The following DSC2 variants were observed in gnomAD, a reference collection of about 807,000 sequenced individuals.
The protein encoded by DSC2 is desmocollin 2.
In DSC2, 51 loss-of-function variants were observed where a neutral mutation model predicts 87.6. The ratio of observed to expected loss-of-function variants is 0.58; its 90% confidence interval spans 0.46 to 0.74. The LOEUF is 0.74. DSC2 is among the 30% of genes least tolerant of loss of function. DSC2 has a pLI of 0.00. For missense variants in DSC2, 1,066 were observed against 1,089.5 expected, an observed-to-expected ratio of 0.98 and a Z score of 0.30; for synonymous variants, 383 against 393.2, an observed-to-expected ratio of 0.97 and a Z score of 0.31.
rs1451007286 is a variant in DSC2, at chr18:31,059,715, CAGAT to C, written c.*8296_*8299del. The C allele has an allele frequency of 6.6e-6, 1 of 152,120 alleles. No homozygotes were observed. The highest frequency in any genetic ancestry group is 2.4e-5 in the African/African-American group (1 of 41,430). The allele number at this position is 152,120 out of a possible 1,614,324, so 9.4% of individuals were successfully genotyped here. A position where few individuals can be genotyped will look rare whatever the true frequency, so the allele number is the denominator to read the frequency against. On this transcript the variant is annotated 3_prime_UTR_variant, in exon 16 of 16. Transcript: ENST00000280904. Reference sequence around the variant, plus strand: ...TATCACTCAATATCTTAGTGTATTACAGATAGTCTCATATTTATTTAAATGTGAG... The same window carrying C: ...TATCACTCAATATCTTAGTGTATTACAGTCTCATATTTATTTAAATGTGAG...
chr18:31,062,401 T>A lies in DSC2; in HGVS notation c.*5614A>T, dbSNP rs199701271. ...GGTGGTTAGAGAGTGGCCTTTTGGTTAAAAAAAAAAAATTCACTGCAGTGT... is the reference window on the plus strand; with the variant it reads ...GGTGGTTAGAGAGTGGCCTTTTGGTAAAAAAAAAAAAATTCACTGCAGTGT... On this transcript the variant is annotated 3_prime_UTR_variant, in exon 16 of 16. Coordinates refer to ENST00000280904, the MANE Select transcript of DSC2 (RefSeq NM_024422.6). 2.0e-5 allele frequency: 3 copies of A among 149,650 alleles called. No individual in the cohort carries two copies. The highest frequency in any genetic ancestry group is 3.0e-5 in the Non-Finnish European group (2 of 67,364). The allele number at this position is 149,650 out of a possible 1,614,324, so 9.3% of individuals were successfully genotyped here. A position where few individuals can be genotyped will look rare whatever the true frequency, so the allele number is the denominator to read the frequency against.
At position 31,062,250 on chromosome 18, in the gene DSC2, A is replaced by G. The variant is rs1387750357; in HGVS notation, c.*5765T>C. 1.3e-5 allele frequency: 2 copies of G among 152,314 alleles called. No homozygotes were observed. Among genetic ancestry groups the G allele is most frequent in the Non-Finnish European group, 2.9e-5 (2 of 68,022 alleles). The allele number at this position is 152,314 out of a possible 1,614,324, so 9.4% of individuals were successfully genotyped here. On this transcript the variant is annotated 3_prime_UTR_variant, in exon 16 of 16. Coordinates refer to ENST00000280904, the MANE Select transcript of DSC2 (RefSeq NM_024422.6). ...CACTTTCTTTGCTTTGTGGTTTCTCAAGATATTTTTTGAAGCAAGGCCTGA... is the reference window on the plus strand; with the variant it reads ...CACTTTCTTTGCTTTGTGGTTTCTCGAGATATTTTTTGAAGCAAGGCCTGA...
intron 1 of DSC2, among the ~76,000 whole-genome samples, chr18:31,096,579 C>G (rs1242000586): frequency 6.6e-6 from 1 of 152,138 alleles, no homozygotes; most frequent in African/African-American, 2.4e-5. Flanking sequence ...AAACTTCAAG[C>G]CATGAATTTA....
At position 31,068,130 on chromosome 18, in the gene DSC2, G is replaced by A. The variant is rs202031070; in HGVS notation, c.2591C>T (p.Ser864Leu). ...VLTYNYEGRG[S>L]VAGSVGCCSE... Reference sequence around the variant, plus strand: ...GCAACAACCTACAGACCCAGCCACCGATCCTCTTCCTTCATAGTTATATGT... The same window carrying A: ...GCAACAACCTACAGACCCAGCCACCAATCCTCTTCCTTCATAGTTATATGT... Residue 864 changes from serine (S) to leucine (L), a missense_variant, in exon 16 of 16, where the codon TCG becomes TTG. Coordinates refer to ENST00000280904, the MANE Select transcript of DSC2 (RefSeq NM_024422.6). The A allele has an allele frequency of 2.1e-5, 34 of 1,613,962 alleles. No individual in the cohort carries two copies. The highest frequency in any genetic ancestry group is 4.0e-5 in the African/African-American group (3 of 75,006).
rs987510906 is a variant in DSC2 at position 31,102,002 on chromosome 18, G to A, written c.-31C>T. ...GGGCTCGGGGCAGGTCGCGGGCCGA[G>A]CGTCGGGCCGGGGTAGGAGGGCTCC... On this transcript the variant is annotated 5_prime_UTR_variant, in exon 1 of 16. Coordinates refer to ENST00000280904, the MANE Select transcript of DSC2 (RefSeq NM_024422.6). 28 of 1,479,224 alleles carry A rather than the reference G, an allele frequency of 1.9e-5. No homozygotes were observed. The highest frequency in any genetic ancestry group is 2.3e-4 in the Middle Eastern group (1 of 4,340). The allele number at this position is 1,479,224 out of a possible 1,614,324, so 91.6% of individuals were successfully genotyped here. A position where few individuals can be genotyped will look rare whatever the true frequency, so the allele number is the denominator to read the frequency against.
In DSC2 at chr18:31,059,577, C is replaced by T. The variant is rs1986461862; in HGVS notation, c.*8438G>A. 6.6e-6 allele frequency: 1 copy of T among 152,134 alleles called. No homozygotes were observed. The highest frequency in any genetic ancestry group is 6.5e-5 in the Admixed American group (1 of 15,268). 9.4% of individuals were successfully genotyped at this position (152,134 alleles called of 1,614,324 possible). On this transcript the variant is annotated 3_prime_UTR_variant, in exon 16 of 16. Transcript: ENST00000280904. ...TTCTAAAGCCTGTGAGTTTTTCTTG[C>T]TCTGTATTTCATTTACATGAACTTT... is the stretch of plus-strand genomic sequence containing the variant.
intron 7 of DSC2, 118 bp downstream of exon 7, chr18:31,086,458 A>T (rs1362699171): frequency 4.7e-6 from 6 of 1,265,328 alleles, no homozygotes; most frequent in Non-Finnish European, 6.9e-6. Flanking sequence ...CATACATAAA[A>T]TAATAATGTT....
Position 31,086,577 on chromosome 18 carries a change from T to G in DSC2, c.941A>C (p.Glu314Ala). Reference protein sequence around the residue: ...ITTTSSQLDRELIDKYQLKIK... With the variant: ...ITTTSSQLDRALIDKYQLKIK... ...AGGTTTTATTAATGTTTATGTTACC[T>G]CTCTGTCTAGCTGAGATGATGTTGT... Residue 314 changes from glutamate (E) to alanine (A), a missense_variant and splice_region_variant, in exon 7 of 16, where the codon GAG (glutamate) becomes GCG (alanine). Transcript: ENST00000280904. 1.2e-6 allele frequency: 2 copies of G among 1,614,164 alleles called. No individual in the cohort carries two copies. Among genetic ancestry groups the G allele is most frequent in the Non-Finnish European group, 8.5e-7 (1 of 1,179,990 alleles).
intron 9 of DSC2, among the ~76,000 whole-genome samples, chr18:31,080,921 A>C (rs555079711): frequency 6.6e-6 from 1 of 152,156 alleles, no homozygotes; most frequent in Admixed American, 6.5e-5. Context: ...CTGATTCAGT[A>C]CTTGGGTAAA....
chr18:31,071,865 C>A, intron 12 of DSC2, 24 bp from the exon 13 acceptor site: 1 of 1,566,938 alleles, frequency 6.4e-7, no homozygotes, highest in South Asian at 1.1e-5. Context: ...TAAATAAAAC[C>A]AAACATTATA....
intron 14 of DSC2, among the ~76,000 whole-genome samples, chr18:31,069,836 T>C (rs1986767543): frequency 6.6e-6 from 1 of 152,090 alleles, no homozygotes; most frequent in Non-Finnish European, 1.5e-5. Flanking sequence ...TTAGTTTAAA[T>C]TAATTCCCTT....
intron 15 of DSC2, chr18:31,068,453 A>AT: frequency 8.8e-7 from 1 of 1,142,248 alleles, no homozygotes; most frequent in Non-Finnish European, 1.3e-6. Flanking sequence ...ACAGGTGTTC[A>AT]TTTTACATAG....
Position 31,089,591 on chromosome 18 carries a change from G to T in DSC2, c.478C>A (p.Gln160Lys), listed in dbSNP as rs374844700. 6 of 1,613,296 alleles carry T rather than the reference G, an allele frequency of 3.7e-6. No homozygotes were observed. The Admixed American group carries it at 5.0e-5, about 13-fold the overall frequency. ...GTATAGTTTTGGGCCGTGTCAGATT[G>T]AACCTAGAAAGTAGATATTATATAC... ...GPFPLFLQQVQSDTAQNYTIY... is the reference protein window; with the variant it reads ...GPFPLFLQQVKSDTAQNYTIY... The change falls in exon 5 of 16, where the codon CAA becomes AAA. Residue 160 changes from glutamine to lysine, a missense_variant. Physicochemically the swap from Gln to Lys is moderately conservative, Grantham distance 53. Transcript: ENST00000280904.
Position 31,082,976 on chromosome 18 carries a change from T to A in DSC2, c.1027A>T (p.Ile343Phe), listed in dbSNP as rs1409325550. 1.2e-6 allele frequency: 2 copies of A among 1,613,530 alleles called. No individual in the cohort carries two copies. Among genetic ancestry groups the A allele is most frequent in the Non-Finnish European group, 1.7e-6 (2 of 1,179,916 alleles). The change falls in exon 8 of 16, where the codon ATT (isoleucine) becomes TTT (phenylalanine). Residue 343 changes from isoleucine to phenylalanine, a missense_variant. Physicochemically the swap from Ile to Phe is conservative, Grantham distance 21. Transcript: ENST00000280904. ...FGLQTTSTCIINIDDVNDHLP... is the reference protein window; with the variant it reads ...FGLQTTSTCIFNIDDVNDHLP... ...TGGTCATTTACATCATCAATGTTAATGATACAAGTTGAAGTTGTCTGTAGA... is the reference window on the plus strand; with the variant it reads ...TGGTCATTTACATCATCAATGTTAAAGATACAAGTTGAAGTTGTCTGTAGA...
In DSC2 at chr18:31,068,167, C is replaced by T. The variant is rs1986693521; in HGVS notation, c.2554G>A (p.Asp852Asn). Residue 852 changes from aspartate to asparagine, a missense_variant, in exon 16 of 16, where the codon GAC becomes AAC. Asp to Asn is a conservative substitution (Grantham distance 23). Transcript: ENST00000280904. ...NQDENHKHAQ[D>N]YVLTYNYEGR... is the part of the protein sequence containing the mutation. ...TCATAGTTATATGTCAGGACATAGTCTTGGGCATGCTTGTGATTTTCATCT... is the reference window on the plus strand; with the variant it reads ...TCATAGTTATATGTCAGGACATAGTTTTGGGCATGCTTGTGATTTTCATCT... 2 of 1,613,954 alleles carry T rather than the reference C, an allele frequency of 1.2e-6. No individual in the cohort carries two copies. The highest frequency in any genetic ancestry group is 1.7e-6 in the Non-Finnish European group (2 of 1,180,008).
intron 1 of DSC2, 87 bp from the exon 2 acceptor site, chr18:31,093,730 A>G: frequency 1.0e-5 from 6 of 584,446 alleles, no homozygotes; most frequent in Non-Finnish European, 1.2e-5. Context: ...ATAAATTTAT[A>G]ATGATATACA....
At chr18:31,091,197 C>A in intron 3 of DSC2, 50 bp from the exon 4 acceptor site, 1 of 1,601,204 alleles carries the variant, frequency 6.2e-7, no homozygotes, top group South Asian at 1.1e-5. Context: ...CTACTTTATT[C>A]TCAAACATTA....
chr18:31,094,821 A>T (rs1395829905), intron 1 of DSC2, among the ~76,000 whole-genome samples: 2 of 152,244 alleles, frequency 1.3e-5, no homozygotes, highest in Admixed American at 6.5e-5. Context: ...AAATTAAATG[A>T]TATGAAGAAT....
chr18:31,096,727 C>A (rs1000001010), intron 1 of DSC2, among the ~76,000 whole-genome samples: 8 of 151,986 alleles, frequency 5.3e-5, no homozygotes, highest in African/African-American at 1.9e-4. Flanking sequence ...TAAATTATAA[C>A]ACAACACAAA....
Sources: gnomAD v4.1 joint callset for allele counts (sites outside exome capture counted in the v4.1 genomes callset) on GRCh38, gnomAD v4.1.1 for gene constraint, MANE v1.5 for transcripts, NCBI Gene and HGNC (gene_info 2026-07-23, HGNC 2026-07-21) for gene names.